BTBD9: variants seen among roughly 807,000 people sequenced by gnomAD.
The protein encoded by BTBD9 is BTB/POZ domain-containing protein 9.
Under a neutral mutation model 64.3 loss-of-function variants are expected in BTBD9, and 49 were observed. That is an observed-to-expected ratio of 0.76 (90% CI 0.61 to 0.97). The LOEUF is 0.97. BTBD9 is among the 50% of genes least tolerant of loss of function. The pLI is 0.00. For missense variants in BTBD9, 598 were observed against 762.1 expected, an observed-to-expected ratio of 0.78 and a Z score of 2.53; for synonymous variants, 260 against 274.7, an observed-to-expected ratio of 0.95 and a Z score of 0.53.
chr6:38,202,007 T>A (rs935230377), intron 9 of BTBD9, among the ~76,000 whole-genome samples: 1 of 152,060 alleles, frequency 6.6e-6, no homozygotes, highest in African/African-American at 2.4e-5. Flanking sequence ...TTAAAATGAC[T>A]GTACTGCCCA....
chr6:38,244,983 T>C (rs144084456), intron 9 of BTBD9, among the ~76,000 whole-genome samples: 30 of 152,290 alleles, frequency 2.0e-4, no homozygotes, highest in African/African-American at 6.7e-4. Flanking sequence ...AACTTCCCAA[T>C]TGGGCTTTGT....
intron 6 of BTBD9, among the ~76,000 whole-genome samples, chr6:38,405,967 G>C (rs1362211988): frequency 6.6e-6 from 1 of 152,088 alleles, no homozygotes; most frequent in East Asian, 1.9e-4. Flanking sequence ...GTGAAATGTG[G>C]GTGCTTCAGA....
At chr6:38,278,101 T>A (rs1761351359) in intron 8 of BTBD9, among the ~76,000 whole-genome samples, 1 of 152,242 alleles carries the variant, frequency 6.6e-6, no homozygotes, top group South Asian at 2.1e-4. Flanking sequence ...TAGGCTTTTA[T>A]CCTTGTATCC....
At chr6:38,479,239 C>T (rs1252912035) in intron 6 of BTBD9, among the ~76,000 whole-genome samples, 2 of 152,252 alleles carry the variant, frequency 1.3e-5, no homozygotes, top group South Asian at 2.1e-4. Context: ...TTCAGACACA[C>T]AACCCCTCCA....
chr6:38,592,789 C>G lies in BTBD9; in HGVS notation c.601G>C (p.Asp201His). Residue 201 changes from aspartate (D) to histidine (H), a missense_variant, in exon 4 of 11, where the codon GAT (aspartate) becomes CAT (histidine). Physicochemically the swap from Asp to His is moderately conservative, Grantham distance 81 (BLOSUM62 -1). Transcript: ENST00000481247. ...LRDSFAAPEK[D>H]IFLALLNWCK... ...CAGTTTAATAAGGCTAGGAAAATAT[C>G]TTTTTCGGGAGCTGCAAATGAGTCT... 3.1e-6 allele frequency: 5 copies of G among 1,614,180 alleles called. No homozygotes were observed. Among genetic ancestry groups the G allele is most frequent in the Non-Finnish European group, 3.4e-6 (4 of 1,180,030 alleles).
At chr6:38,257,988 TG>T (rs2127536056) in intron 8 of BTBD9, among the ~76,000 whole-genome samples, 1 of 151,810 alleles carries the variant, frequency 6.6e-6, no homozygotes, top group South Asian at 2.1e-4. Flanking sequence ...AAAATATATA[TG>T]TATATATATA....
intron 1 of BTBD9, among the ~76,000 whole-genome samples, chr6:38,601,268 T>C (rs575552496): frequency 6.6e-6 from 1 of 152,352 alleles, no homozygotes; most frequent in Non-Finnish European, 1.5e-5. Context: ...ATTTAGGATA[T>C]AATTTAATTT....
At chr6:38,338,339 G>A (rs74330219) in intron 7 of BTBD9, among the ~76,000 whole-genome samples, 5,559 of 152,180 alleles carry the variant, frequency 0.037, 183 homozygotes, top group East Asian at 0.11. Flanking sequence ...CTTATGAATT[G>A]TTTATATCTG....
chr6:38,346,646 A>C (rs76170887), intron 6 of BTBD9, among the ~76,000 whole-genome samples: 1 of 152,154 alleles, frequency 6.6e-6, no homozygotes, highest in Non-Finnish European at 1.5e-5. Flanking sequence ...TTCATTCAAC[A>C]TAAGTTCTTA....
rs1766800472 is a variant in BTBD9 at position 38,171,880 on chromosome 6, A to AAAAAAAAAAT, written c.*3104_*3105insATTTTTTTTT. On this transcript the variant is annotated 3_prime_UTR_variant, in exon 11 of 11. Transcript: ENST00000481247. ...AAAAAAAAAAAAAAAAAAAAAAAAA[A>AAAAAAAAAAT]AATAATAATAATAATAATAATAATA... The AAAAAAAAAAT allele has an allele frequency of 1.1e-5, 1 of 89,542 alleles. No homozygotes were observed. Among genetic ancestry groups the AAAAAAAAAAT allele is most frequent in the Non-Finnish European group, 2.0e-5 (1 of 50,194 alleles). 5.5% of individuals were successfully genotyped at this position (89,542 alleles called of 1,614,324 possible).
chr6:38,435,432 C>T (rs1309872877), intron 6 of BTBD9, among the ~76,000 whole-genome samples: 1 of 150,940 alleles, frequency 6.6e-6, no homozygotes, highest in African/African-American at 2.5e-5. Flanking sequence ...CTGGGAGGCA[C>T]AGGTTGCAGT....
chr6:38,547,217 A>T (rs1385690889), intron 6 of BTBD9, among the ~76,000 whole-genome samples: 2 of 152,160 alleles, frequency 1.3e-5, no homozygotes, highest in African/African-American at 4.8e-5. Context: ...AAGTGAAAGG[A>T]AGAGTGACAC....
chr6:38,551,050 C>T (rs1562328734), intron 6 of BTBD9, among the ~76,000 whole-genome samples: 1 of 152,216 alleles, frequency 6.6e-6, no homozygotes, highest in Non-Finnish European at 1.5e-5. Flanking sequence ...CAGGTCTTTA[C>T]TCAGATGTCA....
chr6:38,216,379 T>C (rs531935579), intron 9 of BTBD9, among the ~76,000 whole-genome samples: 2 of 152,330 alleles, frequency 1.3e-5, no homozygotes, highest in East Asian at 3.9e-4. Flanking sequence ...GTACAGGATC[T>C]GTGGAGCACT....
intron 6 of BTBD9, among the ~76,000 whole-genome samples, chr6:38,445,102 G>A (rs1002784636): frequency 2.0e-5 from 3 of 152,140 alleles, no homozygotes; most frequent in Admixed American, 2.0e-4. Flanking sequence ...TGTGATCATG[G>A]AAGCATGTAT....
chr6:38,192,666 A>T (rs1250131589), intron 9 of BTBD9, 69 bp from the exon 10 acceptor site: 1 of 1,401,748 alleles, frequency 7.1e-7, no homozygotes, highest in Non-Finnish European at 1.0e-6. Flanking sequence ...TGGCCGATGG[A>T]GTCATGTCCA....
At chr6:38,339,774 C>A (rs2127587021) in intron 7 of BTBD9, among the ~76,000 whole-genome samples, 1 of 152,176 alleles carries the variant, frequency 6.6e-6, no homozygotes, top group Middle Eastern at 3.4e-3. Flanking sequence ...AGTTAGGAAA[C>A]AAAAGTCTTT....
chr6:38,490,294 C>T (rs1403206414), intron 6 of BTBD9, among the ~76,000 whole-genome samples: 1 of 152,190 alleles, frequency 6.6e-6, no homozygotes, highest in Non-Finnish European at 1.5e-5. Context: ...AAGGTATGGA[C>T]ACTACACTCT....
chr6:38,564,673 G>C (rs904626934), intron 6 of BTBD9, among the ~76,000 whole-genome samples: 2 of 152,096 alleles, frequency 1.3e-5, no homozygotes. Flanking sequence ...CGAATCATTA[G>C]GTCTGGAGAT....
Sources: gnomAD v4.1 joint callset for allele counts (sites outside exome capture counted in the v4.1 genomes callset) on GRCh38, gnomAD v4.1.1 for gene constraint, MANE v1.5 for transcripts, NCBI Gene and HGNC (gene_info 2026-07-23, HGNC 2026-07-21) for gene names.